The following ADGRG6 variants were observed in gnomAD, a reference collection of about 807,000 sequenced individuals.
ADGRG6 encodes the protein adhesion G protein-coupled receptor G6, also known as G-protein coupled receptor 126.
In ADGRG6, 84 loss-of-function variants were observed where a neutral mutation model predicts 142.4. The ratio of observed to expected loss-of-function variants is 0.59; its 90% confidence interval spans 0.49 to 0.71. The LOEUF is 0.71. Ranked by LOEUF, ADGRG6 falls within the 30% of genes least tolerant of loss-of-function variation. ADGRG6 has a pLI of 0.00. For synonymous variants in ADGRG6, 521 were observed against 520.5 expected (o/e 1.00, Z -0.01); for missense variants, 1,367 against 1,466.6 (o/e 0.93, Z 1.11).
intron 2 of ADGRG6, among the ~76,000 whole-genome samples, chr6:142,318,048 T>TTATATATTATATATTTATATA (rs1778237148): frequency 1.5e-4 from 2 of 13,378 alleles, no homozygotes; most frequent in African/African-American, 3.0e-4. Context: ...ATATTTATGT[T>TTATATATTATATATTTATATA]ATATATATTT....
intron 4 of ADGRG6, among the ~76,000 whole-genome samples, chr6:142,373,135 C>T (rs983714092): frequency 2.0e-5 from 3 of 152,172 alleles, no homozygotes; most frequent in African/African-American, 7.2e-5. Context: ...TATCCAGTGT[C>T]TCTTAATTAG....
At chr6:142,399,286 C>T (rs1412851320) in intron 10 of ADGRG6, among the ~76,000 whole-genome samples, 2 of 152,110 alleles carry the variant, frequency 1.3e-5, no homozygotes, top group African/African-American at 4.8e-5. Flanking sequence ...TGAGGAGCCA[C>T]CCATCTCTAT....
At position 142,386,804 on chromosome 6, in the gene ADGRG6, A is replaced by G. The variant is rs1381549712; in HGVS notation, c.1222+2961A>G. ...GGGCAGCTCGGGGCAGCAGGCAGAAACTAGCCCTGGCCAGGACTCCATCCC... is the reference window on the plus strand; with the variant it reads ...GGGCAGCTCGGGGCAGCAGGCAGAAGCTAGCCCTGGCCAGGACTCCATCCC... On this transcript the variant is annotated intron_variant, in intron 6 of 24. Coordinates refer to ENST00000367609, the MANE Select transcript of ADGRG6 (RefSeq NM_198569.3). Among the ~76,000 whole-genome samples, 3 of 152,132 alleles carry G rather than the reference A, an allele frequency of 2.0e-5. No individual in the cohort carries two copies. The East Asian group carries it at 5.8e-4, about 29-fold the overall frequency.
chr6:142,377,931 C>T (rs533093190), intron 4 of ADGRG6, among the ~76,000 whole-genome samples: 5 of 152,078 alleles, frequency 3.3e-5, no homozygotes, highest in Middle Eastern at 6.8e-3. Context: ...TAAAAATATT[C>T]CAGTGTGATT....
chr6:142,437,606 C>A, intron 23 of ADGRG6, 71 bp downstream of exon 23: 2 of 779,316 alleles, frequency 2.6e-6, no homozygotes, highest in South Asian at 1.4e-5. Flanking sequence ...CTTTCATTGT[C>A]AGAGCAACCC....
intron 1 of ADGRG6, 132 bp downstream of exon 1, chr6:142,302,463 A>C: frequency 1.1e-6 from 1 of 951,592 alleles, no homozygotes; most frequent in Admixed American, 2.6e-5. Context: ...GAGGGAATAA[A>C]CCGGTTTGTC....
rs527819011 is a variant in ADGRG6, at chr6:142,439,422, G to C, written c.3574+1058G>C. Among the ~76,000 whole-genome samples, 29 of 152,236 alleles carry C rather than the reference G, an allele frequency of 1.9e-4. No individual in the cohort carries two copies. In the South Asian group the frequency reaches 5.2e-3, roughly 27 times the overall value. On this transcript the variant is annotated intron_variant, in intron 24 of 24. Transcript: ENST00000367609. ...TTAATACTTGGCTTTTTGCAAATAG[G>C]GAGTAAGGTGTGTGATGTGTCTGTA...
chr6:142,357,142 T>TA (rs1163797240), intron 2 of ADGRG6, among the ~76,000 whole-genome samples: 1 of 152,196 alleles, frequency 6.6e-6, no homozygotes, highest in Non-Finnish European at 1.5e-5. Context: ...TAGCTAGATC[T>TA]TGTGATTTTA....
rs187730486 is a variant in ADGRG6 at position 142,387,139 on chromosome 6, A to G, written c.1223-3119A>G. Reference sequence around the variant, plus strand: ...AAACAGATATTTCAGGATATGGGTAATCTGGGGATTCCCACAAATAATGAT... The same window carrying G: ...AAACAGATATTTCAGGATATGGGTAGTCTGGGGATTCCCACAAATAATGAT... On this transcript the variant is annotated intron_variant, in intron 6 of 24. Transcript: ENST00000367609. Among the ~76,000 whole-genome samples the G allele has an allele frequency of 7.2e-5, 11 of 152,346 alleles. No homozygotes were observed. In the East Asian group the frequency reaches 2.1e-3, roughly 29 times the overall value.
At chr6:142,438,390 T>C (rs1582696193) in intron 24 of ADGRG6, 26 bp downstream of exon 24, 10 of 1,516,354 alleles carry the variant, frequency 6.6e-6, no homozygotes, top group Non-Finnish European at 8.9e-6. Context: ...TCCTCAAGTT[T>C]AGTTCTCATC....
intron 2 of ADGRG6, among the ~76,000 whole-genome samples, chr6:142,358,585 T>C (rs1159284175): frequency 6.6e-6 from 1 of 152,202 alleles, no homozygotes; most frequent in Non-Finnish European, 1.5e-5. Flanking sequence ...AGTTTTGTAT[T>C]GTTTATATAA....
chr6:142,425,113 A>G (rs1582674003), intron 22 of ADGRG6, among the ~76,000 whole-genome samples: 1 of 152,352 alleles, frequency 6.6e-6, no homozygotes, highest in East Asian at 1.9e-4. Flanking sequence ...CAGAGAGGCA[A>G]GGACTAGACC....
At chr6:142,379,628 G>A (rs1054382793) in intron 4 of ADGRG6, among the ~76,000 whole-genome samples, 5 of 152,184 alleles carry the variant, frequency 3.3e-5, no homozygotes, top group African/African-American at 7.2e-5. Context: ...TTAGCCTGGC[G>A]TGGTGACGGG....
intron 16 of ADGRG6, 21 bp from the exon 17 acceptor site, chr6:142,409,852 GT>G: frequency 8.1e-7 from 1 of 1,236,286 alleles, no homozygotes; most frequent in Non-Finnish European, 1.1e-6. Context: ...AATTTCACAT[GT>G]TTATTCTTAT....
At chr6:142,415,368 T>A (rs1776300519) in intron 19 of ADGRG6, among the ~76,000 whole-genome samples, 1 of 152,214 alleles carries the variant, frequency 6.6e-6, no homozygotes, top group South Asian at 2.1e-4. Flanking sequence ...TTCTGTATTG[T>A]AAAACATGAA....
chr6:142,310,607 G>T, intron 2 of ADGRG6, among the ~76,000 whole-genome samples: 1 of 151,760 alleles, frequency 6.6e-6, no homozygotes, highest in East Asian at 1.9e-4. Context: ...CACGCATCAA[G>T]AAATTAAACT....
At chr6:142,306,998 C>T (rs1262924185) in intron 1 of ADGRG6, among the ~76,000 whole-genome samples, 1 of 152,024 alleles carries the variant, frequency 6.6e-6, no homozygotes, top group Non-Finnish European at 1.5e-5. Flanking sequence ...AAGCCATGGT[C>T]ATCATTTGCA....
chr6:142,436,462 C>T (rs1401101510), intron 22 of ADGRG6, among the ~76,000 whole-genome samples: 1 of 148,250 alleles, frequency 6.7e-6, no homozygotes, highest in Non-Finnish European at 1.5e-5. Context: ...ATAGTAGGGT[C>T]ATGGATGTGG....
intron 2 of ADGRG6, among the ~76,000 whole-genome samples, chr6:142,326,795 G>T (rs1296471490): frequency 6.6e-6 from 1 of 152,092 alleles, no homozygotes; most frequent in Non-Finnish European, 1.5e-5. Flanking sequence ...TTAAGGGTGT[G>T]TGTATGTGTG....
Sources: gnomAD v4.1 joint callset for allele counts (sites outside exome capture counted in the v4.1 genomes callset) on GRCh38, gnomAD v4.1.1 for gene constraint, MANE v1.5 for transcripts, NCBI Gene and HGNC (gene_info 2026-07-23, HGNC 2026-07-21) for gene names.